The following MCC variants were observed in gnomAD, a reference collection of about 807,000 sequenced individuals.
MCC encodes the protein MCC regulator of Wnt signaling pathway, also known as colorectal mutant cancer protein.
In MCC, 90 loss-of-function variants were observed where a neutral mutation model predicts 116.2. That is an observed-to-expected ratio of 0.77 (90% confidence interval 0.65 to 0.92). MCC has a LOEUF of 0.92. MCC is among the 40% of genes least tolerant of loss of function. The pLI is 0.00. For missense variants in MCC, 1,516 were observed against 1,312.2 expected (o/e 1.16, Z -2.40); for synonymous variants, 578 against 510.5 (o/e 1.13, Z -1.78).
chr5:113,448,114 A>T (rs1436829652), intron 1 of MCC: 2 of 152,254 alleles, frequency 1.3e-5, no homozygotes, highest in African/African-American at 2.4e-5. Context: ...CGCACATTAA[A>T]TCTCACAATA....
intron 1 of MCC, among the ~76,000 whole-genome samples, chr5:113,439,808 G>A (rs1770980745): frequency 6.6e-6 from 1 of 152,192 alleles, no homozygotes; most frequent in African/African-American, 2.4e-5. Flanking sequence ...CTTAGCAAAA[G>A]GCTAGCACAC....
At chr5:113,119,387 G>A (rs114555004) in intron 6 of MCC, among the ~76,000 whole-genome samples, 2 of 152,188 alleles carry the variant, frequency 1.3e-5, no homozygotes, top group Non-Finnish European at 2.9e-5. Context: ...GGGGGGCCTT[G>A]GTGGAGACAG....
intron 5 of MCC, among the ~76,000 whole-genome samples, chr5:113,141,913 C>A (rs912776125): frequency 6.6e-6 from 1 of 152,172 alleles, no homozygotes; most frequent in African/African-American, 2.4e-5. Context: ...ATAAAAATCA[C>A]AAATTTGCCA....
chr5:113,090,793 A>G (rs1286372975), intron 8 of MCC, among the ~76,000 whole-genome samples: 1 of 152,234 alleles, frequency 6.6e-6, no homozygotes, highest in African/African-American at 2.4e-5. Flanking sequence ...TGACAGCTTC[A>G]GCTAAAGTCA....
At chr5:113,343,676 A>C (rs1965429) in intron 2 of MCC, among the ~76,000 whole-genome samples, 60,290 of 152,134 alleles carry the variant, frequency 0.4, 13,229 homozygotes, top group African/African-American at 0.58. Flanking sequence ...TGTGACATAG[A>C]TAGCATTTAA....
intron 1 of MCC, among the ~76,000 whole-genome samples, chr5:113,401,769 T>TTA (rs34691429): frequency 0.011 from 1,253 of 116,360 alleles, 10 homozygotes; most frequent in East Asian, 0.032. Context: ...GTTTTCTTAT[T>TTA]TATATATATA....
rs145934805 is a variant in MCC, at chr5:113,190,041, T to C, written c.628-38619A>G. On this transcript the variant is annotated intron_variant, in intron 3 of 18. Coordinates refer to ENST00000408903, the MANE Select transcript of MCC (RefSeq NM_001085377.2). ...CAGCCTCAGTCTCAGCCTAGCCACC[T>C]GCAGCCCAACACCCCTCAACCTACA... 3.0e-4 allele frequency among the ~76,000 whole-genome samples: 45 copies of C among 152,324 alleles called. 1 individual carries two copies. In the East Asian group the frequency reaches 7.5e-3, roughly 26 times the overall value.
intron 3 of MCC, among the ~76,000 whole-genome samples, chr5:113,166,763 TC>T (rs1358096998): frequency 2.0e-5 from 3 of 150,476 alleles, no homozygotes; most frequent in East Asian, 3.9e-4. Flanking sequence ...TTTTGGGCTC[TC>T]AGAAAAATAT....
chr5:113,149,565 C>T (rs1006869808), intron 4 of MCC, among the ~76,000 whole-genome samples: 9 of 152,032 alleles, frequency 5.9e-5, no homozygotes, highest in Admixed American at 1.3e-4. Context: ...ATCTTAAATA[C>T]AGAGAATCCT....
chr5:113,328,171 G>A (rs898332027), intron 3 of MCC, among the ~76,000 whole-genome samples: 4 of 152,176 alleles, frequency 2.6e-5, no homozygotes, highest in East Asian at 1.9e-4. Context: ...GAAAGGAAGA[G>A]GTGGAGAGGG....
chr5:113,320,449 T>C (rs1767391995), intron 3 of MCC, among the ~76,000 whole-genome samples: 1 of 90,544 alleles, frequency 1.1e-5, no homozygotes, highest in African/African-American at 9.5e-5. Context: ...ACCAGACTCA[T>C]TGCAAAAAAA....
chr5:113,080,990 T>C (rs1210397132), intron 11 of MCC, among the ~76,000 whole-genome samples: 1 of 152,190 alleles, frequency 6.6e-6, no homozygotes, highest in Non-Finnish European at 1.5e-5. Flanking sequence ...TTTACTTTGC[T>C]TTGCATGCCA....
chr5:113,192,538 A>G (rs935686432), intron 3 of MCC, among the ~76,000 whole-genome samples: 4 of 152,246 alleles, frequency 2.6e-5, no homozygotes, highest in African/African-American at 9.6e-5. Context: ...AAAGACACAC[A>G]TGCATGGGCT....
intron 3 of MCC, among the ~76,000 whole-genome samples, chr5:113,248,832 C>CT (rs1269527611): frequency 0.016 from 2,174 of 138,132 alleles, 74 homozygotes; most frequent in African/African-American, 0.051. Flanking sequence ...TCTCTCTCTT[C>CT]TTTTTTTTTT....
rs1759878440 is a variant in MCC at position 113,151,559 on chromosome 5, A to G, written c.628-137T>C. 8.2e-6 allele frequency: 5 copies of G among 609,932 alleles called. No homozygotes were observed. In the Admixed American group the frequency reaches 9.2e-5, roughly 11 times the overall value. The allele number at this position is 609,932 out of a possible 1,614,324, so 37.8% of individuals were successfully genotyped here. ...ACTTTTGAGAATGAAGGTAAGTGTT[A>G]TGAGTTTTGGGGACAACAGGCATAA... On this transcript the variant is annotated intron_variant, in intron 3 of 18. Coordinates refer to ENST00000408903, the MANE Select transcript of MCC (RefSeq NM_001085377.2).
At chr5:113,298,313 G>T (rs549984754) in intron 3 of MCC, among the ~76,000 whole-genome samples, 16 of 152,228 alleles carry the variant, frequency 1.1e-4, no homozygotes, top group Non-Finnish European at 2.4e-4. Flanking sequence ...AGGAGGAGCA[G>T]CATCAATATT....
At chr5:113,136,557 A>G (rs1048315135) in intron 5 of MCC, among the ~76,000 whole-genome samples, 3 of 152,126 alleles carry the variant, frequency 2.0e-5, no homozygotes, top group Admixed American at 2.0e-4. Flanking sequence ...CTAGGAGTGC[A>G]AGCAAGGAAT....
intron 11 of MCC, among the ~76,000 whole-genome samples, chr5:113,076,360 G>C (rs1386300599): frequency 6.6e-6 from 1 of 152,160 alleles, no homozygotes; most frequent in Non-Finnish European, 1.5e-5. Context: ...ATAATTGTCA[G>C]ATTCACCAAA....
chr5:113,355,692 G>A (rs1323308685), intron 2 of MCC, among the ~76,000 whole-genome samples: 1 of 152,090 alleles, frequency 6.6e-6, no homozygotes, highest in African/African-American at 2.4e-5. Context: ...GGTAAGAAGA[G>A]AGGGCAAGGT....
Sources: gnomAD v4.1 joint callset for allele counts (sites outside exome capture counted in the v4.1 genomes callset) on GRCh38, gnomAD v4.1.1 for gene constraint, MANE v1.5 for transcripts, NCBI Gene and HGNC (gene_info 2026-07-23, HGNC 2026-07-21) for gene names.